Variants in EDIL3 observed in about 807,000 individuals in gnomAD.
EDIL3 encodes the protein EGF like and discoidin domains 3.
A neutral mutation model predicts 67.4 loss-of-function variants in EDIL3; 37 were observed. That is an observed-to-expected ratio of 0.55 (90% CI 0.42 to 0.72). The LOEUF is 0.72. Ranked by LOEUF, EDIL3 falls within the 30% of genes least tolerant of loss-of-function variation. The pLI is 0.00. For missense variants in EDIL3, 527 were observed against 586.3 expected (o/e 0.90, Z 1.04); for synonymous variants, 195 against 196.3 (o/e 0.99, Z 0.05).
At chr5:84,067,353 GACACTTA>G (rs2112242347) in intron 6 of EDIL3, among the ~76,000 whole-genome samples, 1 of 152,046 alleles carries the variant, frequency 6.6e-6, no homozygotes, top group African/African-American at 2.4e-5. Context: ...ATATCTTTTT[GACACTTA>G]ACACTTAATA....
At chr5:84,095,942 C>A (rs982501762) in intron 6 of EDIL3, among the ~76,000 whole-genome samples, 20 of 152,272 alleles carry the variant, frequency 1.3e-4, no homozygotes, top group African/African-American at 4.6e-4. Context: ...CTGTGTGCAG[C>A]CTAGGGACTT....
At position 84,308,646 on chromosome 5, in the gene EDIL3, A is replaced by T. The variant is rs139662673; in HGVS notation, c.68-54434T>A. 3.0e-3 allele frequency among the ~76,000 whole-genome samples: 454 copies of T among 152,188 alleles called. 4 individuals carry two copies. Among genetic ancestry groups the T allele is most frequent in the African/African-American group, 0.011 (440 of 41,564 alleles). On this transcript the variant is annotated intron_variant, in intron 1 of 10. Coordinates refer to ENST00000296591, the MANE Select transcript of EDIL3 (RefSeq NM_005711.5). ...AGGAAGTAATTTTTAGAAATATTAA[A>T]ATAAAACAGACAGTAAATTATTAAT...
intron 9 of EDIL3, among the ~76,000 whole-genome samples, chr5:84,055,555 G>C (rs925966428): frequency 3.8e-4 from 58 of 151,616 alleles, no homozygotes; most frequent in African/African-American, 1.2e-3. Context: ...TTGCAATCTA[G>C]TCATCTGACA....
chr5:84,029,561 T>G lies in EDIL3; in HGVS notation c.1137+30739A>C, dbSNP rs148167340. On this transcript the variant is annotated intron_variant, in intron 9 of 10. Coordinates refer to ENST00000296591, the MANE Select transcript of EDIL3 (RefSeq NM_005711.5). ...ATGAAAAATAATAGAAATAAAAGCA[T>G]AAAAATGAAAATTCCCTCAATGCTT... 6.2e-4 allele frequency among the ~76,000 whole-genome samples: 94 copies of G among 152,264 alleles called. 1 individual carries two copies. The East Asian group carries it at 0.018, about 29-fold the overall frequency.
chr5:84,269,794 G>A (rs1424144694), intron 1 of EDIL3, among the ~76,000 whole-genome samples: 1 of 152,176 alleles, frequency 6.6e-6, no homozygotes, highest in African/African-American at 2.4e-5. Context: ...GGAAGCTCAA[G>A]AGGCATATCA....
intron 3 of EDIL3, among the ~76,000 whole-genome samples, chr5:84,215,276 C>A (rs538912611): frequency 6.6e-6 from 1 of 151,486 alleles, no homozygotes; most frequent in Non-Finnish European, 1.5e-5. Context: ...TTTCTTGAGA[C>A]GGAGTTTTGC....
At chr5:84,285,726 T>C (rs1745795079) in intron 1 of EDIL3, among the ~76,000 whole-genome samples, 1 of 152,226 alleles carries the variant, frequency 6.6e-6, no homozygotes, top group South Asian at 2.1e-4. Context: ...TTGGCATGCA[T>C]TGCTGCACTT....
intron 4 of EDIL3, among the ~76,000 whole-genome samples, chr5:84,163,047 G>A (rs1177884805): frequency 6.6e-6 from 1 of 152,094 alleles, no homozygotes; most frequent in Non-Finnish European, 1.5e-5. Flanking sequence ...AAAACAGACA[G>A]TGGGCTTTTA....
chr5:84,248,490 C>G (rs1210361096), intron 2 of EDIL3, among the ~76,000 whole-genome samples: 2 of 152,140 alleles, frequency 1.3e-5, no homozygotes, highest in African/African-American at 4.8e-5. Flanking sequence ...TATTCTTTCC[C>G]ATGTCTAGCT....
intron 9 of EDIL3, among the ~76,000 whole-genome samples, chr5:84,002,803 A>G (rs1745353741): frequency 6.6e-6 from 1 of 152,046 alleles, no homozygotes; most frequent in Non-Finnish European, 1.5e-5. Flanking sequence ...CCAGAGAAAG[A>G]CCCTGATTGG....
chr5:83,993,416 G>A (rs1419147100), intron 9 of EDIL3, among the ~76,000 whole-genome samples: 3 of 152,150 alleles, frequency 2.0e-5, no homozygotes, highest in African/African-American at 7.2e-5. Flanking sequence ...ATATTATTTA[G>A]AAATGTAAAT....
intron 1 of EDIL3, among the ~76,000 whole-genome samples, chr5:84,315,633 T>C (rs1172753311): frequency 6.6e-6 from 1 of 152,180 alleles, no homozygotes; most frequent in Admixed American, 6.5e-5. Context: ...ATCATTTCTA[T>C]GGTTCATTAC....
At position 84,258,583 on chromosome 5, in the gene EDIL3, G is replaced by A. The variant is rs557760948; in HGVS notation, c.68-4371C>T. On this transcript the variant is annotated intron_variant, in intron 1 of 10. Transcript: ENST00000296591. ...CTAACTACATACTTGTAGCTGGACA[G>A]CACATTCTTTCTTAAAGAAGGATTA... Among the ~76,000 whole-genome samples the A allele has an allele frequency of 1.6e-4, 25 of 152,284 alleles. 1 individual carries two copies. The highest frequency in any genetic ancestry group is 6.0e-4 in the African/African-American group (25 of 41,558).
chr5:84,147,780 T>C (rs1238230658), intron 4 of EDIL3, among the ~76,000 whole-genome samples: 2 of 151,470 alleles, frequency 1.3e-5, no homozygotes, highest in East Asian at 3.9e-4. Flanking sequence ...AGCTTGTAAG[T>C]AATGTTACAT....
chr5:84,335,318 G>T (rs1364377833), intron 1 of EDIL3, among the ~76,000 whole-genome samples: 7 of 152,008 alleles, frequency 4.6e-5, no homozygotes, highest in Admixed American at 4.6e-4. Flanking sequence ...CCTTTAATTT[G>T]TCCCTGCTTT....
chr5:84,148,972 C>CAAAAAAAAAAAAAAAAAAAAACAA (rs60662947), intron 4 of EDIL3, among the ~76,000 whole-genome samples: 2 of 87,066 alleles, frequency 2.3e-5, no homozygotes, highest in African/African-American at 4.6e-5. Context: ...ACAAAAACGA[C>CAAAAAAAAAAAAAAAAAAAAACAA]AAAAAAAAAA....
intron 6 of EDIL3, among the ~76,000 whole-genome samples, chr5:84,087,646 A>G (rs902276798): frequency 6.6e-6 from 1 of 152,254 alleles, no homozygotes; most frequent in African/African-American, 2.4e-5. Flanking sequence ...ACGAGAATAC[A>G]AAGAGAGCCA....
At chr5:84,214,409 C>T (rs546795358) in intron 3 of EDIL3, among the ~76,000 whole-genome samples, 3 of 151,990 alleles carry the variant, frequency 2.0e-5, no homozygotes, top group Admixed American at 6.5e-5. Context: ...CCGCCCCCCG[C>T]CACTTTACAT....
chr5:84,310,914 T>C (rs1416977599), intron 1 of EDIL3, among the ~76,000 whole-genome samples: 1 of 152,086 alleles, frequency 6.6e-6, no homozygotes, highest in Non-Finnish European at 1.5e-5. Context: ...ACCACTTTCC[T>C]AGCTAGCATC....
Sources: gnomAD v4.1 joint callset for allele counts (sites outside exome capture counted in the v4.1 genomes callset) on GRCh38, gnomAD v4.1.1 for gene constraint, MANE v1.5 for transcripts, NCBI Gene and HGNC (gene_info 2026-07-23, HGNC 2026-07-21) for gene names.